MSI2: variants seen among roughly 807,000 people sequenced by gnomAD.
MSI2 encodes musashi RNA binding protein 2.
A neutral mutation model predicts 45.6 loss-of-function variants in MSI2; 17 were observed. That is an observed-to-expected ratio of 0.37 (90% CI 0.26 to 0.56). The LOEUF is 0.56. MSI2 is among the 20% of genes least tolerant of loss of function. The pLI is 0.77. For synonymous variants in MSI2, 156 were observed against 158.2 expected (o/e 0.99, Z 0.11); for missense variants, 293 against 444.2 (o/e 0.66, Z 3.06).
chr17:57,487,858 G>A (rs550050463), intron 6 of MSI2, among the ~76,000 whole-genome samples: 32 of 151,560 alleles, frequency 2.1e-4, no homozygotes, highest in African/African-American at 7.3e-4. Flanking sequence ...TCCCCTACCC[G>A]GTCTATTGGG....
intron 6 of MSI2, among the ~76,000 whole-genome samples, chr17:57,463,424 C>A (rs556851589): frequency 2.0e-5 from 3 of 152,150 alleles, no homozygotes; most frequent in Non-Finnish European, 4.4e-5. Flanking sequence ...AGCCAGTCAC[C>A]GCTTCTGTCT....
At chr17:57,649,804 C>G (rs1408371180) in intron 10 of MSI2, among the ~76,000 whole-genome samples, 2 of 152,204 alleles carry the variant, frequency 1.3e-5, no homozygotes, top group Non-Finnish European at 2.9e-5. Context: ...GTGCAGGATG[C>G]TGGTGCAAGC....
At chr17:57,517,348 T>C (rs952538188) in intron 6 of MSI2, among the ~76,000 whole-genome samples, 45 of 152,202 alleles carry the variant, frequency 3.0e-4, no homozygotes, top group Non-Finnish European at 5.3e-4. Flanking sequence ...CTGAGTGCGC[T>C]GATTCGGGTG....
intron 6 of MSI2, among the ~76,000 whole-genome samples, chr17:57,477,281 C>T (rs968698863): frequency 6.6e-6 from 1 of 151,752 alleles, no homozygotes; most frequent in African/African-American, 2.4e-5. Context: ...GAAGGAATCT[C>T]TTGACAAGCT....
At chr17:57,387,779 C>G (rs1443967773) in intron 5 of MSI2, among the ~76,000 whole-genome samples, 1 of 152,148 alleles carries the variant, frequency 6.6e-6, no homozygotes, top group Non-Finnish European at 1.5e-5. Flanking sequence ...AAGGTTTGAT[C>G]CCCATTCACA....
chr17:57,576,626 T>G (rs796256065), intron 7 of MSI2, among the ~76,000 whole-genome samples: 1 of 151,978 alleles, frequency 6.6e-6, no homozygotes, highest in Admixed American at 6.6e-5. Context: ...CGGTGGTGCA[T>G]GCCTGTAATC....
rs1289232354 is a variant in MSI2, at chr17:57,552,496, C to T, written c.454+22772C>T. 6.6e-6 allele frequency among the ~76,000 whole-genome samples: 1 copy of T among 152,198 alleles called. No homozygotes were observed. The highest frequency in any genetic ancestry group is 2.4e-5 in the African/African-American group (1 of 41,448). On this transcript the variant is annotated intron_variant, in intron 7 of 13. Transcript: ENST00000284073. The surrounding 1 kb of genome is among the most constrained non-coding windows in gnomAD (Gnocchi z 4.3). The stretch of plus-strand genomic sequence containing the variant: ...AGGGCCAGACGCTAGGTGTCGCCGT[C>T]CTGGACCTGCCTCCATCCCCGGAGG...
chr17:57,474,270 G>T (rs1408827645), intron 6 of MSI2, among the ~76,000 whole-genome samples: 2 of 152,134 alleles, frequency 1.3e-5, no homozygotes, highest in African/African-American at 4.8e-5. Flanking sequence ...CTTCTGCAAG[G>T]TAGTTATAAT....
chr17:57,423,030 G>A (rs942913723), intron 6 of MSI2, among the ~76,000 whole-genome samples: 6 of 152,020 alleles, frequency 3.9e-5, no homozygotes, highest in Non-Finnish European at 7.4e-5. Context: ...GAACTAAAGG[G>A]GCCACCTCAT....
intron 5 of MSI2, among the ~76,000 whole-genome samples, chr17:57,365,370 T>C (rs895600751): frequency 2.0e-5 from 3 of 152,216 alleles, no homozygotes; most frequent in Admixed American, 2.0e-4. Context: ...CCAACAAATA[T>C]GCATTAGGTA....
At chr17:57,409,563 C>T (rs1471971810) in intron 6 of MSI2, among the ~76,000 whole-genome samples, 2 of 152,200 alleles carry the variant, frequency 1.3e-5, no homozygotes, top group African/African-American at 2.4e-5. Flanking sequence ...CACAAGGACT[C>T]ATACCTTCTG....
chr17:57,357,027 T>C (rs550253783), intron 5 of MSI2, among the ~76,000 whole-genome samples: 4 of 152,226 alleles, frequency 2.6e-5, no homozygotes, highest in Non-Finnish European at 5.9e-5. Context: ...CAGGGCCCAT[T>C]CAGTAGACCC....
At position 57,616,051 on chromosome 17, in the gene MSI2, A is replaced by G. The variant is rs762447936; in HGVS notation, c.619A>G (p.Met207Val). The change falls in exon 9 of 14, where the codon ATG becomes GTG. Residue 207 changes from methionine to valine, a missense_variant. Coordinates refer to ENST00000284073, the MANE Select transcript of MSI2 (RefSeq NM_138962.4). ...RGRARGLPYT[M>V]DAFMLGMGML... ...CCGGGCCCGGGGACTGCCTTACACC[A>G]TGGACGCGTTCATGCTTGGCATGGG... 1.9e-6 allele frequency: 3 copies of G among 1,613,950 alleles called. No homozygotes were observed. Among genetic ancestry groups the G allele is most frequent in the South Asian group, 1.1e-5 (1 of 91,074 alleles).
At chr17:57,471,241 C>G (rs980999236) in intron 6 of MSI2, among the ~76,000 whole-genome samples, 7 of 148,732 alleles carry the variant, frequency 4.7e-5, no homozygotes, top group Admixed American at 4.7e-4. Context: ...GCTCTGCTAA[C>G]AGACTCAGCC....
At chr17:57,461,820 A>G (rs1435907011) in intron 6 of MSI2, among the ~76,000 whole-genome samples, 1 of 152,234 alleles carries the variant, frequency 6.6e-6, no homozygotes, top group East Asian at 1.9e-4. Context: ...GACGTGAGCT[A>G]GAACCCTTGG....
intron 5 of MSI2, among the ~76,000 whole-genome samples, chr17:57,355,595 A>T (rs1211280774): frequency 7.2e-5 from 11 of 152,124 alleles, no homozygotes; most frequent in Non-Finnish European, 1.6e-4. Flanking sequence ...AATTATAATC[A>T]CATGCTGATT....
chr17:57,673,750 C>T (rs1002483040), intron 11 of MSI2, among the ~76,000 whole-genome samples: 53 of 152,176 alleles, frequency 3.5e-4, no homozygotes, highest in African/African-American at 1.2e-3. Flanking sequence ...CGCTGCCCCC[C>T]GATCTGCAAC....
chr17:57,676,923 C>A, intron 12 of MSI2, 64 bp from the exon 13 acceptor site: 1 of 1,072,214 alleles, frequency 9.3e-7, no homozygotes, highest in Non-Finnish European at 1.5e-6. Flanking sequence ...TTTCCTTTCC[C>A]AGAATATGAC....
chr17:57,506,688 A>G (rs896236191), intron 6 of MSI2, among the ~76,000 whole-genome samples: 2 of 152,200 alleles, frequency 1.3e-5, no homozygotes, highest in African/African-American at 4.8e-5. Flanking sequence ...GAACCGTTCA[A>G]ACATCTGGAT....
Sources: allele counts gnomAD v4.1 joint callset (sites outside exome capture counted in the v4.1 genomes callset), GRCh38; gene constraint gnomAD v4.1.1; non-coding constraint Gnocchi (gnomAD v3.1); transcripts MANE v1.5; gene names NCBI Gene and HGNC (gene_info 2026-07-23, HGNC 2026-07-21).